The following SPRY3 variants were observed in gnomAD, a reference collection of about 807,000 sequenced individuals.
SPRY3 encodes protein sprouty homolog 3.
A neutral mutation model predicts 20.2 loss-of-function variants in SPRY3; 15 were observed. The ratio of observed to expected loss-of-function variants is 0.74; its 90% confidence interval spans 0.50 to 1.14. SPRY3 has a LOEUF of 1.14. SPRY3 is among the 50% of genes most tolerant of loss of function. The probability of loss-of-function intolerance (pLI) is 0.00; values close to 1 mark genes in which losing one functional copy is unlikely to be tolerated. For synonymous variants in SPRY3, 143 were observed against 136.5 expected (o/e 1.05, Z -0.33); for missense variants, 364 against 363.9 (o/e 1.00, Z 0.00).
At position 155,662,694 on chromosome X, in the gene SPRY3, A is replaced by AAAC. The variant is rs2068013834; in HGVS notation, c.-282+5671_-282+5672insCAA. Among the ~76,000 whole-genome samples, 5 of 108,969 alleles carry AAAC rather than the reference A, an allele frequency of 4.6e-5. No individual in the cohort carries two copies. The South Asian group carries it at 1.6e-3, about 34-fold the overall frequency. The allele number at this position is 108,969 out of a possible 115,157, so 94.6% of individuals were successfully genotyped here. ...AAGTGTAGTTTGGCAAAAAAAAAAA[A>AAAC]AAAAAAAAACTCTACCACCAACAGA... On this transcript the variant is annotated intron_variant, in intron 2 of 3. Transcript: ENST00000675360.
At chrX:155,698,443 C>A (rs186130524) in intron 2 of SPRY3, among the ~76,000 whole-genome samples, 30 of 111,850 alleles carry the variant, frequency 2.7e-4, no homozygotes, top group Non-Finnish European at 2.1e-4. Flanking sequence ...GTATAAACTT[C>A]ATCTTCAGGC....
At chrX:155,774,544 A>T (rs1171564526) in exon 4 of SPRY3, 2 of 1,613,964 alleles carry the variant, frequency 1.2e-6, no homozygotes, top group Non-Finnish European at 1.7e-6. Flanking sequence ...CTGGGCAGCC[A>T]TGAGCCTCAT....
At chrX:155,706,657 C>T (rs2090953638) in intron 2 of SPRY3, among the ~76,000 whole-genome samples, 1 of 150,216 alleles carries the variant, frequency 6.7e-6, no homozygotes, top group Admixed American at 6.6e-5. Context: ...AGAATAATTC[C>T]CATTTAACTA....
At chrX:155,723,077 C>T (rs183494840) in intron 2 of SPRY3, among the ~76,000 whole-genome samples, 163 of 152,196 alleles carry the variant, frequency 1.1e-3, no homozygotes, top group African/African-American at 3.9e-3. Flanking sequence ...ATGATGGTTT[C>T]CAGCTTCATC....
chrX:155,725,785 A>AT (rs1302000746), intron 2 of SPRY3, among the ~76,000 whole-genome samples: 3 of 151,964 alleles, frequency 2.0e-5, no homozygotes, highest in East Asian at 1.9e-4. Context: ...GGATTCATTG[A>AT]TTTTTTGAAG....
chrX:155,688,917 G>T (rs1259538997), intron 2 of SPRY3, among the ~76,000 whole-genome samples: 2 of 87,287 alleles, frequency 2.3e-5, no homozygotes, highest in Non-Finnish European at 4.3e-5. Context: ...GTGAGAACAT[G>T]CAGTGTCTGT....
chrX:155,663,584 C>G (rs1354536149), intron 2 of SPRY3, among the ~76,000 whole-genome samples: 3 of 111,276 alleles, frequency 2.7e-5, no homozygotes, highest in Non-Finnish European at 3.8e-5. Context: ...GAGCTAAAAG[C>G]ATTATATAAA....
chrX:155,693,215 CTT>C (rs199946726), intron 2 of SPRY3, among the ~76,000 whole-genome samples: 2,005 of 111,408 alleles, frequency 0.018, 51 homozygotes, highest in African/African-American at 0.062. Flanking sequence ...TCTAATGCCT[CTT>C]ATAATTTATT....
chrX:155,656,126 GA>G (rs1406219650), intron 1 of SPRY3, among the ~76,000 whole-genome samples: 8 of 111,102 alleles, frequency 7.2e-5, no homozygotes, highest in African/African-American at 2.6e-4. Flanking sequence ...TGTATTTCCT[GA>G]ATTTGAATGT....
chrX:155,748,324 G>C (rs921724408), intron 2 of SPRY3, among the ~76,000 whole-genome samples: 2 of 151,840 alleles, frequency 1.3e-5, no homozygotes, highest in Admixed American at 6.6e-5. Context: ...CTAATCATAT[G>C]AATATGGGGA....
downstream of SPRY3, chrX:155,777,315 C>T (rs1374709928): frequency 6.0e-6 from 1 of 166,886 alleles, no homozygotes; most frequent in Non-Finnish European, 1.5e-5. Context: ...AACACGAGCC[C>T]CTCCTCCTTG....
chrX:155,776,629 A>G (rs1161041150), exon 4 of SPRY3: 3 of 167,090 alleles, frequency 1.8e-5, no homozygotes, highest in Non-Finnish European at 4.4e-5. Context: ...GCTTGAAATC[A>G]AGGTGCTCCA....
chrX:155,752,526 TA>T (rs1385085555), intron 2 of SPRY3, among the ~76,000 whole-genome samples: 4 of 151,688 alleles, frequency 2.6e-5, no homozygotes, highest in Admixed American at 6.6e-5. Context: ...TATATATATA[TA>T]TAACTATTGA....
At chrX:155,620,633 A>G (rs1361451249) in intron 1 of SPRY3, among the ~76,000 whole-genome samples, 1 of 111,660 alleles carries the variant, frequency 9.0e-6, no homozygotes, top group Non-Finnish European at 1.9e-5. Flanking sequence ...CCAAAATTAA[A>G]TTATGCTGGT....
intron 2 of SPRY3, among the ~76,000 whole-genome samples, chrX:155,751,924 G>GAAATAAATA (rs1198863459): frequency 3.3e-5 from 4 of 121,662 alleles, no homozygotes; most frequent in Admixed American, 8.7e-5. Flanking sequence ...CAAGGGAAGG[G>GAAATAAATA]AAATAAAATA....
chrX:155,661,850 G>A lies in SPRY3; in HGVS notation c.-282+4825G>A, dbSNP rs940215766. ...TGTTAAAGCTTTCAACTATATTTTG[G>A]AACTTCTCCAATGAATTTTTCATTT... On this transcript the variant is annotated intron_variant, in intron 2 of 3. Coordinates refer to ENST00000675360, the Ensembl canonical transcript of SPRY3. Among the ~76,000 whole-genome samples, 20 of 111,093 alleles carry A rather than the reference G, an allele frequency of 1.8e-4. No individual in the cohort carries two copies. The Admixed American group carries it at 1.8e-3, about 10-fold the overall frequency.
intron 2 of SPRY3, among the ~76,000 whole-genome samples, chrX:155,697,522 C>CACACATAT (rs750002413): frequency 0.17 from 16,449 of 98,665 alleles, 1,435 homozygotes; most frequent in African/African-American, 0.21. Context: ...CACACACACA[C>CACACATAT]ATATATATAT....
chrX:155,736,978 G>A (rs1474829026), intron 2 of SPRY3, among the ~76,000 whole-genome samples: 1 of 151,976 alleles, frequency 6.6e-6, no homozygotes, highest in Non-Finnish European at 1.5e-5. Flanking sequence ...GTCTACTGGT[G>A]AGCCCATCAA....
At chrX:155,663,478 G>A (rs1441182395) in intron 2 of SPRY3, among the ~76,000 whole-genome samples, 1 of 111,505 alleles carries the variant, frequency 9.0e-6, no homozygotes, top group Non-Finnish European at 1.9e-5. Context: ...GTTTAAATCA[G>A]AGGCTAGGTC....
Sources: allele counts gnomAD v4.1 joint callset (sites outside exome capture counted in the v4.1 genomes callset), GRCh38; gene constraint gnomAD v4.1.1; transcripts MANE v1.5; gene names NCBI Gene and HGNC (gene_info 2026-07-23, HGNC 2026-07-21).